CHID1: variants seen among roughly 807,000 people sequenced by gnomAD.
CHID1 encodes chitinase domain-containing protein 1.
In CHID1, 44 loss-of-function variants were observed where a neutral mutation model predicts 55.4. The observed-to-expected ratio is 0.79, with a 90% CI of 0.62 to 1.02. CHID1 has a LOEUF of 1.02. CHID1 is among the 50% of genes least tolerant of loss of function. The probability of loss-of-function intolerance (pLI) is 0.00; values close to 1 mark genes in which losing one functional copy is unlikely to be tolerated. For synonymous variants in CHID1, 216 were observed against 212.9 expected (o/e 1.01, Z -0.13); for missense variants, 491 against 515.3 (o/e 0.95, Z 0.46).
intron 4 of CHID1, among the ~76,000 whole-genome samples, chr11:901,789 C>A (rs1451316634): frequency 6.6e-6 from 1 of 152,096 alleles, no homozygotes; most frequent in Non-Finnish European, 1.5e-5. Context: ...AGGGTCCCAC[C>A]GTGGCGACCA....
At chr11:890,597 A>G (rs1850734152) in intron 8 of CHID1, among the ~76,000 whole-genome samples, 1 of 152,248 alleles carries the variant, frequency 6.6e-6, no homozygotes, top group African/African-American at 2.4e-5. Flanking sequence ...AACAATGCCC[A>G]GAAAACACAA....
In CHID1 at chr11:887,464, T is replaced by A. The variant is rs971438073; in HGVS notation, c.702-3295A>T. 3.9e-5 allele frequency among the ~76,000 whole-genome samples: 6 copies of A among 152,346 alleles called. No individual in the cohort carries two copies. The East Asian group carries it at 1.2e-3, about 29-fold the overall frequency. On this transcript the variant is annotated intron_variant, in intron 8 of 12. Coordinates refer to ENST00000323578, the MANE Select transcript of CHID1 (RefSeq NM_023947.4). ...GGTCTTCTCGCTCCTTTGTGGTGTC[T>A]TCTGATGCACCCACATCCTGGTCCG...
chr11:901,045 T>G, intron 4 of CHID1, 65 bp from the exon 5 acceptor site: 1 of 1,479,710 alleles, frequency 6.8e-7, no homozygotes, highest in Non-Finnish European at 9.2e-7. Flanking sequence ...CCAGCCTACC[T>G]GAGGAGGAAA....
rs1850995277 is a variant in CHID1 at position 893,437 on chromosome 11, T to C, written c.691A>G (p.Ile231Val). 6.4e-7 allele frequency: 1 copy of C among 1,550,610 alleles called. No individual in the cohort carries two copies. Among genetic ancestry groups the C allele is most frequent in the Non-Finnish European group, 8.7e-7 (1 of 1,147,058 alleles). The stretch of plus-strand genomic sequence containing the variant: ...AAGAGCGGCACTTACCCGGGGGTGA[T>C]GGCAGGCGGGATGACCAGGAGGGCC... ...LLALLVIPPAITPGTDQLGMF... is the reference protein window; with the variant it reads ...LLALLVIPPAVTPGTDQLGMF... The change falls in exon 8 of 13, where the codon ATC becomes GTC. Residue 231 changes from isoleucine to valine, a missense_variant. Coordinates refer to ENST00000323578, the MANE Select transcript of CHID1 (RefSeq NM_023947.4).
At chr11:878,208 G>C (rs923485619) in intron 10 of CHID1, among the ~76,000 whole-genome samples, 1 of 152,234 alleles carries the variant, frequency 6.6e-6, no homozygotes, top group African/African-American at 2.4e-5. Flanking sequence ...GAGGTCAGGA[G>C]TTTGAGACCA....
At chr11:883,010 G>A (rs1850107979) in intron 10 of CHID1, 138 bp downstream of exon 10, 2 of 980,170 alleles carry the variant, frequency 2.0e-6, no homozygotes, top group Non-Finnish European at 3.0e-6. Flanking sequence ...ACCGGCTCCT[G>A]GCCCAGCCCC....
rs545005553 is a variant in CHID1, at chr11:873,449, G to A, written c.960-2950C>T. ...CAAGGGCCACACAGGTCTTTTGGGC[G>A]CAGGCACCAGCCACAGTGAGTGGGG... On this transcript the variant is annotated intron_variant, in intron 10 of 12. Coordinates refer to ENST00000323578, the MANE Select transcript of CHID1 (RefSeq NM_023947.4). Among the ~76,000 whole-genome samples, 18 of 152,238 alleles carry A rather than the reference G, an allele frequency of 1.2e-4. No homozygotes were observed. In the East Asian group the frequency reaches 2.9e-3, roughly 25 times the overall value.
At chr11:895,312 C>T (rs1851179575) in intron 7 of CHID1, among the ~76,000 whole-genome samples, 1 of 152,192 alleles carries the variant, frequency 6.6e-6, no homozygotes, top group South Asian at 2.1e-4. Context: ...TGCCCCCAGC[C>T]ACTCTGTGAG....
At chr11:889,317 C>A (rs1850633929) in intron 8 of CHID1, among the ~76,000 whole-genome samples, 1 of 152,240 alleles carries the variant, frequency 6.6e-6, no homozygotes, top group South Asian at 2.1e-4. Flanking sequence ...GACACTGGGC[C>A]CACGTGGCAG....
chr11:901,049 G>A (rs923604298), intron 4 of CHID1, 69 bp from the exon 5 acceptor site: 4 of 1,456,978 alleles, frequency 2.7e-6, no homozygotes, highest in Non-Finnish European at 3.8e-6. Context: ...CCTACCTGAG[G>A]AGGAAAACGT....
intron 10 of CHID1, among the ~76,000 whole-genome samples, chr11:871,759 C>A (rs565895591): frequency 2.0e-5 from 3 of 152,200 alleles, no homozygotes; most frequent in Admixed American, 6.5e-5. Flanking sequence ...CATGGACATC[C>A]GCAGGATCCT....
At chr11:887,980 C>A (rs191923689) in intron 8 of CHID1, among the ~76,000 whole-genome samples, 5 of 152,346 alleles carry the variant, frequency 3.3e-5, no homozygotes, top group East Asian at 3.9e-4. Context: ...CCCCATGCGT[C>A]CACCAGAAAT....
upstream of CHID1, among the ~76,000 whole-genome samples, chr11:912,314 C>CA (rs1565213662): frequency 4.6e-5 from 7 of 151,306 alleles, no homozygotes; most frequent in African/African-American, 9.7e-5. Context: ...GACTCGGTCT[C>CA]AAAAAAACAA....
upstream of CHID1, chr11:914,534 C>T: frequency 7.8e-7 from 1 of 1,289,384 alleles, no homozygotes; most frequent in East Asian, 5.5e-5. Flanking sequence ...TGGGATATTC[C>T]TGGGTCCCCA....
rs1228786121 is a variant in CHID1, at chr11:870,415, T to A, written c.1040+4A>T. 1 of 1,607,370 alleles carries A rather than the reference T, an allele frequency of 6.2e-7. No homozygotes were observed. The highest frequency in any genetic ancestry group is 8.5e-7 in the Non-Finnish European group (1 of 1,175,812). Reference sequence around the variant, plus strand: ...AGGTGGGCCACGCACTTCAAAACACTCACTTCTTGTACTCGAAGAAGTGCT... The same window carrying A: ...AGGTGGGCCACGCACTTCAAAACACACACTTCTTGTACTCGAAGAAGTGCT... On this transcript the variant is annotated splice_donor_region_variant and intron_variant, in intron 11 of 12. Transcript: ENST00000323578.
intron 10 of CHID1, among the ~76,000 whole-genome samples, chr11:874,213 G>A (rs928043089): frequency 6.6e-6 from 1 of 152,218 alleles, no homozygotes; most frequent in African/African-American, 2.4e-5. Flanking sequence ...TGTAATCCCA[G>A]CACTTTGGGA....
At chr11:883,095 C>T (rs1379676411) in intron 10 of CHID1, 53 bp downstream of exon 10, 16 of 1,568,340 alleles carry the variant, frequency 1.0e-5, no homozygotes, top group Admixed American at 5.2e-5. Context: ...TACACCCACA[C>T]CCACCCGCGC....
chr11:880,501 G>A (rs1393833916), intron 10 of CHID1, among the ~76,000 whole-genome samples: 1 of 152,198 alleles, frequency 6.6e-6, no homozygotes, highest in East Asian at 1.9e-4. Context: ...CACCACACAC[G>A]ACCCTGGTCT....
chr11:903,330 G>A (rs1311102854), intron 2 of CHID1, among the ~76,000 whole-genome samples: 1 of 152,220 alleles, frequency 6.6e-6, no homozygotes, highest in Non-Finnish European at 1.5e-5. Context: ...CGACGGTACA[G>A]GGCCTTTCCC....
Sources: gnomAD v4.1 joint callset for allele counts (sites outside exome capture counted in the v4.1 genomes callset) on GRCh38, gnomAD v4.1.1 for gene constraint, MANE v1.5 for transcripts, NCBI Gene and HGNC (gene_info 2026-07-23, HGNC 2026-07-21) for gene names.